Variants in SMARCA2 observed in about 807,000 individuals in gnomAD.
The protein encoded by SMARCA2 is SWI/SNF-related matrix-associated actin-dependent regulator of chromatin subfamily A member 2.
A neutral mutation model predicts 199.8 loss-of-function variants in SMARCA2; 61 were observed. That is an observed-to-expected ratio of 0.31 (90% CI 0.25 to 0.38). The LOEUF is 0.38. SMARCA2 is among the 10% of genes least tolerant of loss of function. The pLI, the probability that SMARCA2 is intolerant of heterozygous loss-of-function variation, is 1.00. For missense variants in SMARCA2, 1,344 were observed against 2,012.2 expected (o/e 0.67, Z 6.35); for synonymous variants, 935 against 732.0 (o/e 1.28, Z -4.48).
At chr9:2,176,480 A>T (rs1013014842) in intron 29 of SMARCA2, among the ~76,000 whole-genome samples, 1 of 152,074 alleles carries the variant, frequency 6.6e-6, no homozygotes, top group Non-Finnish European at 1.5e-5. Flanking sequence ...CAGTCTCCTA[A>T]CAGGGAACTT....
chr9:2,041,507 C>G, intron 4 of SMARCA2: 1 of 398,194 alleles, frequency 2.5e-6, no homozygotes, highest in Non-Finnish European at 4.4e-6. Flanking sequence ...GAGGACTCTA[C>G]TCTCATGAAA....
intron 27 of SMARCA2, among the ~76,000 whole-genome samples, chr9:2,153,990 T>A (rs1354672932): frequency 6.6e-6 from 1 of 152,216 alleles, no homozygotes; most frequent in African/African-American, 2.4e-5. Flanking sequence ...TAATAATAAG[T>A]TATTGTTTTC....
At chr9:2,058,223 C>T in intron 7 of SMARCA2, 68 bp from the exon 8 acceptor site, 1 of 1,392,780 alleles carries the variant, frequency 7.2e-7, no homozygotes. Context: ...TTGGACAACA[C>T]TGATAGCTCA....
At chr9:2,146,631 A>G (rs955239392) in intron 27 of SMARCA2, among the ~76,000 whole-genome samples, 4 of 152,230 alleles carry the variant, frequency 2.6e-5, no homozygotes, top group African/African-American at 9.7e-5. Context: ...GTAAAGGGAT[A>G]AAGAATGGCT....
chr9:2,025,550 T>C (rs1406868388), intron 1 of SMARCA2, among the ~76,000 whole-genome samples: 1 of 152,174 alleles, frequency 6.6e-6, no homozygotes, highest in Non-Finnish European at 1.5e-5. Context: ...CTATGCTTAC[T>C]GCTGTCGTCA....
chr9:2,163,577 C>G (rs1047454441), intron 28 of SMARCA2, among the ~76,000 whole-genome samples: 11 of 152,150 alleles, frequency 7.2e-5, no homozygotes, highest in African/African-American at 2.4e-4. Flanking sequence ...TTTCTCAGTC[C>G]CTGGTTTAAA....
At chr9:2,160,594 A>G (rs1368785485) in intron 27 of SMARCA2, 3 of 702,424 alleles carry the variant, frequency 4.3e-6, no homozygotes, top group Admixed American at 2.0e-5. Context: ...AATATTAGCC[A>G]TGTTTGGTGC....
chr9:2,185,151 G>C (rs932952314), intron 31 of SMARCA2, among the ~76,000 whole-genome samples: 2 of 152,140 alleles, frequency 1.3e-5, no homozygotes, highest in African/African-American at 2.4e-5. Context: ...TTGCGACTCT[G>C]AAACTGCGTG....
At chr9:2,077,170 C>A (rs909363197) in intron 13 of SMARCA2, among the ~76,000 whole-genome samples, 1 of 152,090 alleles carries the variant, frequency 6.6e-6, no homozygotes, top group African/African-American at 2.4e-5. Flanking sequence ...CCTTCCTACC[C>A]CTTTAATGTT....
intron 27 of SMARCA2, chr9:2,159,631 A>T (rs762443642): frequency 1.6e-5 from 10 of 607,326 alleles, no homozygotes; most frequent in Middle Eastern, 4.7e-4. Flanking sequence ...GGAAAAAAAT[A>T]TGATAAGTAG....
intron 22 of SMARCA2, 22 bp downstream of exon 22, chr9:2,101,638 CT>C: frequency 7.4e-7 from 1 of 1,351,522 alleles, no homozygotes; most frequent in Non-Finnish European, 1.0e-6. Context: ...ATTTTTTTTT[CT>C]TTTAAAAAAA....
chr9:2,031,377 T>G (rs1448954842), intron 2 of SMARCA2, among the ~76,000 whole-genome samples: 2 of 152,244 alleles, frequency 1.3e-5, no homozygotes, highest in African/African-American at 4.8e-5. Context: ...AGCTATATTC[T>G]GGATCTGATC....
chr9:2,192,379 A>T, intron 33 of SMARCA2: 1 of 304,876 alleles, frequency 3.3e-6, no homozygotes, highest in Non-Finnish European at 6.1e-6. Flanking sequence ...AATGCAGGGT[A>T]TTTTTTTTTC....
At chr9:2,036,202 G>C (rs1032838108) in intron 3 of SMARCA2, among the ~76,000 whole-genome samples, 1 of 151,518 alleles carries the variant, frequency 6.6e-6, no homozygotes, top group African/African-American at 2.4e-5. Flanking sequence ...GTGTGTGTGT[G>C]TTTGTATGTG....
chr9:2,156,781 T>A (rs1455821152), intron 27 of SMARCA2, among the ~76,000 whole-genome samples: 1 of 152,190 alleles, frequency 6.6e-6, no homozygotes, highest in Non-Finnish European at 1.5e-5. Flanking sequence ...TACATTTACA[T>A]TGTTGTGCAA....
intron 13 of SMARCA2, among the ~76,000 whole-genome samples, chr9:2,076,820 C>T (rs756437405): frequency 2.0e-5 from 3 of 152,132 alleles, no homozygotes; most frequent in Non-Finnish European, 4.4e-5. Flanking sequence ...GAACCCTCTC[C>T]AGCCCTCCGA....
rs1819477729 is a variant in SMARCA2, at chr9:2,039,382, G to A, written c.356-84G>A. ...AATTTCTGTCAGACAGTGTTGCTGT[G>A]GACAATTATTAGAGTATTCAGGGAT... is the stretch of plus-strand genomic sequence containing the variant. On this transcript the variant is annotated intron_variant, in intron 3 of 33. Transcript: ENST00000349721. This position sits in a 1 kb window ranked among gnomAD's most constrained non-coding sequence, Gnocchi z 4.8. 7.6e-7 allele frequency: 1 copy of A among 1,312,918 alleles called. No individual in the cohort carries two copies. 81.3% of individuals were successfully genotyped at this position (1,312,918 alleles called of 1,614,324 possible).
intron 1 of SMARCA2, 23 bp from the exon 2 acceptor site, chr9:2,028,964 C>G (rs973254911): frequency 6.5e-7 from 1 of 1,527,974 alleles, no homozygotes; most frequent in Non-Finnish European, 8.8e-7. Flanking sequence ...ACATGCCTTC[C>G]TTTTTTCTGC....
chr9:2,126,970 T>A (rs979654490), intron 27 of SMARCA2, among the ~76,000 whole-genome samples: 7 of 152,188 alleles, frequency 4.6e-5, no homozygotes, highest in African/African-American at 1.4e-4. Context: ...GAGAACAATA[T>A]TTTTTTCTGT....
Sources: allele counts gnomAD v4.1 joint callset (sites outside exome capture counted in the v4.1 genomes callset), GRCh38; gene constraint gnomAD v4.1.1; non-coding constraint Gnocchi (gnomAD v3.1); transcripts MANE v1.5; gene names NCBI Gene and HGNC (gene_info 2026-07-23, HGNC 2026-07-21).